Variants in NONO observed in about 807,000 individuals in gnomAD.
NONO encodes the protein non-POU domain containing octamer binding.
NONO carries 6 observed loss-of-function variants against 40.2 expected under a neutral mutation model. That is an observed-to-expected ratio of 0.15 (90% CI 0.08 to 0.29). NONO has a LOEUF of 0.29. Among genes scored for constraint, NONO ranks in the 10% least tolerant of loss-of-function variants. The probability of loss-of-function intolerance (pLI) is 1.00; values close to 1 mark genes in which losing one functional copy is unlikely to be tolerated. For missense variants in NONO, 133 were observed against 397.8 expected (o/e 0.33, Z 5.66); for synonymous variants, 89 against 123.3 (o/e 0.72, Z 1.85).
rs533119191 is a variant in NONO, at chrX:71,289,898, A to G, written c.-9-731A>G. The stretch of plus-strand genomic sequence containing the variant: ...GCCATTCCCCTGTCTCAGCCTCCCA[A>G]GTAGCTGGGATTACAGGCGCCCGCT... On this transcript the variant is annotated intron_variant, in intron 2 of 11. Coordinates refer to ENST00000276079, the MANE Select transcript of NONO (RefSeq NM_007363.5). 4.3e-4 allele frequency among the ~76,000 whole-genome samples: 48 copies of G among 111,245 alleles called. No homozygotes were observed. In the South Asian group the frequency reaches 0.018, roughly 41 times the overall value.
At chrX:71,291,722 G>T in intron 3 of NONO, 57 bp from the exon 4 acceptor site, 2 of 902,774 alleles carry the variant, frequency 2.2e-6, no homozygotes, top group Admixed American at 3.6e-5. Flanking sequence ...GGTCTTTGAG[G>T]ATACGACTAT....
rs201262796 is a variant in NONO at position 71,297,833 on chromosome X, T to C, written c.1029-3T>C. ...TCTTAAATACATTGGTGACTCTCTG[T>C]AGGCAGGAGGAAGAGCGCAGGCGCC... is the stretch of plus-strand genomic sequence containing the variant. On this transcript the variant is annotated splice_polypyrimidine_tract_variant and splice_region_variant and intron_variant, in intron 8 of 11. Coordinates refer to ENST00000276079, the MANE Select transcript of NONO (RefSeq NM_007363.5). 2.5e-6 allele frequency: 3 copies of C among 1,198,930 alleles called. No individual in the cohort carries two copies. Among genetic ancestry groups the C allele is most frequent in the Non-Finnish European group, 3.4e-6 (3 of 884,511 alleles).
chrX:71,288,801 A>G (rs978414274), intron 2 of NONO, among the ~76,000 whole-genome samples: 4 of 111,656 alleles, frequency 3.6e-5, no homozygotes, highest in Admixed American at 2.8e-4. Context: ...GCATTTTCAC[A>G]TGTTTATTCT....
intron 11 of NONO, 93 bp from the exon 12 acceptor site, chrX:71,299,849 G>T: frequency 9.3e-7 from 1 of 1,079,372 alleles, no homozygotes; most frequent in South Asian, 2.1e-5. Context: ...TTGAATAGTT[G>T]AATGGAAATA....
At chrX:71,298,571 T>C in intron 10 of NONO, 63 bp downstream of exon 10, 1 of 1,092,983 alleles carries the variant, frequency 9.1e-7, no homozygotes, top group South Asian at 1.8e-5. Context: ...GTGAACTATG[T>C]AGCTTCTGCT....
At chrX:71,299,404 C>T (rs2031526596) in intron 11 of NONO, among the ~76,000 whole-genome samples, 1 of 112,144 alleles carries the variant, frequency 8.9e-6, no homozygotes. Flanking sequence ...AGTCTCTATA[C>T]TTAATCTAGG....
Position 71,300,775 on chromosome X carries a change from G to A in NONO, c.*699G>A. 1 of 172,421 alleles carries A rather than the reference G, an allele frequency of 5.8e-6. No homozygotes were observed. The allele number at this position is 172,421 out of a possible 1,213,427, so 14.2% of individuals were successfully genotyped here. ...AAAGGTCACAGGCAGCGTACATACG[G>A]TTCTGTTATACCCCATATATTACCC... On this transcript the variant is annotated 3_prime_UTR_variant, in exon 12 of 12. Transcript: ENST00000276079.
rs926515338 is a variant in NONO, at chrX:71,297,008, G to T, written c.904G>T (p.Ala302Ser). The T allele has an allele frequency of 3.3e-6, 4 of 1,203,983 alleles. No homozygotes were observed. The African/African-American group carries it at 7.0e-5, about 21-fold the overall frequency. Residue 302 changes from alanine to serine, a missense_variant, in exon 7 of 12, where the codon GCT becomes TCT. Physicochemically the swap from Ala to Ser is moderately conservative, Grantham distance 99. Around this residue, in one of 3 missense-constraint regions of NONO, gnomAD observed 73 missense variants for 162.2 expected, o/e 0.45. Coordinates refer to ENST00000276079, the MANE Select transcript of NONO (RefSeq NM_007363.5). ...AREKLEMEME[A>S]ARHEHQVMLM... Reference sequence around the variant, plus strand: ...TGAGAAGCTGGAGATGGAGATGGAAGCTGCACGCCATGAGCACCAGGTCAT... The same window carrying T: ...TGAGAAGCTGGAGATGGAGATGGAATCTGCACGCCATGAGCACCAGGTCAT...
intron 2 of NONO, among the ~76,000 whole-genome samples, chrX:71,289,768 T>TTTTTG (rs1375493016): frequency 2.7e-5 from 3 of 109,130 alleles, no homozygotes; most frequent in Non-Finnish European, 3.8e-5. Flanking sequence ...GGGTAGTGTT[T>TTTTTG]TTTTGTTTTG....
intron 4 of NONO, chrX:71,292,902 A>G (rs1416997956): frequency 1.8e-5 from 2 of 112,826 alleles, no homozygotes; most frequent in Non-Finnish European, 3.7e-5. Flanking sequence ...ACAGTGAGCT[A>G]TGCTCATAGC....
At chrX:71,287,004 C>T (rs1184625277) in intron 2 of NONO, among the ~76,000 whole-genome samples, 1 of 112,052 alleles carries the variant, frequency 8.9e-6, no homozygotes, top group Non-Finnish European at 1.9e-5. Context: ...TGAAAGTATT[C>T]CCGTATACTC....
intron 4 of NONO, among the ~76,000 whole-genome samples, chrX:71,293,642 G>A (rs750181327): frequency 1.8e-5 from 2 of 109,177 alleles, no homozygotes; most frequent in East Asian, 6.0e-4. Context: ...TTTTGTTTTC[G>A]TTTTTTTGAG....
At chrX:71,297,070 T>G in intron 7 of NONO, 23 bp downstream of exon 7, 4 of 1,129,051 alleles carry the variant, frequency 3.5e-6, no homozygotes, top group Non-Finnish European at 4.7e-6. Flanking sequence ...CTGTAAGTCT[T>G]AAAGCTGAAA....
In NONO at chrX:71,296,574, T is replaced by C; in HGVS notation, c.660T>C (p.Arg220=). The C allele has an allele frequency of 8.3e-7, 1 of 1,201,142 alleles. No homozygotes were observed. Among genetic ancestry groups the C allele is most frequent in the African/African-American group, 1.7e-5 (1 of 57,672 alleles). ...EGSFLLTTFP[R]PVTVEPMDQL... ...TTGTTCTTTCTTCCAGATTTCCTCG[T>C]CCTGTGACTGTGGAGCCCATGGACC... The change falls in exon 6 of 12, where the codon CGT becomes CGC. Residue 220 remains arginine, a synonymous_variant. Coordinates refer to ENST00000276079, the MANE Select transcript of NONO (RefSeq NM_007363.5).
intron 2 of NONO, among the ~76,000 whole-genome samples, chrX:71,286,113 A>G (rs929128993): frequency 4.5e-5 from 5 of 111,920 alleles, no homozygotes; most frequent in Non-Finnish European, 9.4e-5. Flanking sequence ...TCTATAATAC[A>G]TTTTGTAATA....
intron 2 of NONO, among the ~76,000 whole-genome samples, chrX:71,289,289 T>TTTTTA (rs1394309657): frequency 9.0e-6 from 1 of 111,422 alleles, no homozygotes; most frequent in African/African-American, 3.3e-5. Flanking sequence ...TTTTTAAAAT[T>TTTTTA]TTTTATTTTA....
intron 2 of NONO, among the ~76,000 whole-genome samples, chrX:71,286,437 C>T (rs771895756): frequency 5.4e-5 from 6 of 111,582 alleles, no homozygotes; most frequent in African/African-American, 1.6e-4. Flanking sequence ...TTCACTAATC[C>T]ACTGTAACCA....
intron 2 of NONO, among the ~76,000 whole-genome samples, chrX:71,289,904 T>G (rs1379970467): frequency 9.0e-6 from 1 of 111,593 alleles, no homozygotes; most frequent in Non-Finnish European, 1.9e-5. Flanking sequence ...CCCAAGTAGC[T>G]GGGATTACAG....
chrX:71,292,785 T>TAA (rs1253980453), intron 4 of NONO: 2 of 112,059 alleles, frequency 1.8e-5, no homozygotes, highest in African/African-American at 6.5e-5. Context: ...TTTGTATCTT[T>TAA]AAAAAACTAT....
Sources: gnomAD v4.1 joint callset for allele counts (sites outside exome capture counted in the v4.1 genomes callset) on GRCh38, gnomAD v4.1.1 for gene constraint, gnomAD v4.1.1 regional missense constraint, MANE v1.5 for transcripts, NCBI Gene and HGNC (gene_info 2026-07-23, HGNC 2026-07-21) for gene names.